The following MGAT4C variants were observed in gnomAD, a reference collection of about 807,000 sequenced individuals.
MGAT4C encodes the protein MGAT4 family member C.
MGAT4C carries 19 observed loss-of-function variants against 40.1 expected under a neutral mutation model. The ratio of observed to expected loss-of-function variants is 0.47; its 90% CI spans 0.33 to 0.70. The LOEUF (loss-of-function observed/expected upper bound fraction) is 0.70, where lower values mean the gene tolerates loss of function less well. Ranked by LOEUF, MGAT4C falls within the 30% of genes least tolerant of loss-of-function variation. The pLI is 0.02. For missense variants in MGAT4C, 491 were observed against 563.2 expected (o/e 0.87, Z 1.30); for synonymous variants, 181 against 187.1 (o/e 0.97, Z 0.27).
chr12:86,462,557 A>G (rs2136296693), intron 2 of MGAT4C, among the ~76,000 whole-genome samples: 1 of 152,302 alleles, frequency 6.6e-6, no homozygotes, highest in East Asian at 1.9e-4. Flanking sequence ...TGACTCACAC[A>G]ATCACAAGGT....
intron 1 of MGAT4C, among the ~76,000 whole-genome samples, chr12:86,159,226 A>G (rs1885319357): frequency 6.6e-6 from 1 of 152,030 alleles, no homozygotes; most frequent in Non-Finnish European, 1.5e-5. Flanking sequence ...TAGTTTCTAG[A>G]GAGTTTTTAT....
At chr12:86,023,574 A>G (rs1889972900) in intron 2 of MGAT4C, among the ~76,000 whole-genome samples, 2 of 148,444 alleles carry the variant, frequency 1.3e-5, no homozygotes, top group Non-Finnish European at 3.0e-5. Context: ...TAGAATCACG[A>G]AATATATTAT....
At chr12:86,103,969 C>A (rs1452597173) in intron 1 of MGAT4C, among the ~76,000 whole-genome samples, 1 of 151,982 alleles carries the variant, frequency 6.6e-6, no homozygotes, top group Non-Finnish European at 1.5e-5. Flanking sequence ...CTGGCTTTGA[C>A]AAATTATTGG....
chr12:86,508,932 T>G (rs1277249239), intron 2 of MGAT4C, among the ~76,000 whole-genome samples: 6 of 151,442 alleles, frequency 4.0e-5, no homozygotes, highest in Middle Eastern at 3.2e-3. Context: ...TAAATTTGTT[T>G]GAGTTCATTG....
intron 1 of MGAT4C, among the ~76,000 whole-genome samples, chr12:86,832,116 G>A (rs959944384): frequency 3.3e-5 from 5 of 151,612 alleles, no homozygotes; most frequent in African/African-American, 1.2e-4. Flanking sequence ...ATGCATCACT[G>A]AACTTAAAAA....
chr12:86,026,591 G>A (rs1890266207), intron 2 of MGAT4C, among the ~76,000 whole-genome samples: 1 of 151,860 alleles, frequency 6.6e-6, no homozygotes, highest in South Asian at 2.1e-4. Flanking sequence ...ATATCTTTGT[G>A]CCTAATTTTT....
intron 2 of MGAT4C, among the ~76,000 whole-genome samples, chr12:86,595,271 C>T (rs1338321901): frequency 2.6e-5 from 4 of 152,108 alleles, no homozygotes; most frequent in South Asian, 2.1e-4. Flanking sequence ...TGGCCAGGTT[C>T]GGTGGCTCAT....
At chr12:86,150,631 G>T (rs767886744) in intron 1 of MGAT4C, among the ~76,000 whole-genome samples, 1 of 152,162 alleles carries the variant, frequency 6.6e-6, no homozygotes, top group African/African-American at 2.4e-5. Flanking sequence ...GGTGCAGTAT[G>T]TGGTGGTTTA....
At position 85,966,962 on chromosome 12, in the gene MGAT4C, G is replaced by T. The variant is rs1025137196; in HGVS notation, c.*12327C>A. 6.6e-6 allele frequency: 1 copy of T among 151,886 alleles called. No individual in the cohort carries two copies. The highest frequency in any genetic ancestry group is 2.4e-5 in the African/African-American group (1 of 41,318). 9.4% of individuals were successfully genotyped at this position (151,886 alleles called of 1,614,324 possible). A position where few individuals can be genotyped will look rare whatever the true frequency, so the allele number is the denominator to read the frequency against. On this transcript the variant is annotated 3_prime_UTR_variant, in exon 5 of 5. Coordinates refer to ENST00000611864, the MANE Select transcript of MGAT4C (RefSeq NM_001351288.2). ...CTAATGTTAAATGACGAGTTAATGG[G>T]TGCAGCACACCAACATGGCACAGGT...
intron 2 of MGAT4C, among the ~76,000 whole-genome samples, chr12:86,504,327 G>T (rs1457580621): frequency 2.6e-5 from 4 of 152,084 alleles, no homozygotes; most frequent in Non-Finnish European, 5.9e-5. Flanking sequence ...TGTGTGTAAA[G>T]ACATGTGCTA....
chr12:86,454,256 C>G (rs1320718118), intron 2 of MGAT4C, among the ~76,000 whole-genome samples: 1 of 151,902 alleles, frequency 6.6e-6, no homozygotes, highest in Non-Finnish European at 1.5e-5. Flanking sequence ...AAGACAGGGT[C>G]TCACCCTGTT....
At chr12:86,025,587 A>G (rs1289865773) in intron 2 of MGAT4C, among the ~76,000 whole-genome samples, 1 of 151,790 alleles carries the variant, frequency 6.6e-6, no homozygotes, top group South Asian at 2.1e-4. Context: ...TAACATAAAG[A>G]TAGGGAAAAT....
At chr12:86,220,392 T>C (rs1286904185) in intron 1 of MGAT4C, among the ~76,000 whole-genome samples, 3 of 152,232 alleles carry the variant, frequency 2.0e-5, no homozygotes, top group Non-Finnish European at 4.4e-5. Context: ...ATGTTACATA[T>C]GGCATGTTAC....
At chr12:86,475,027 A>G (rs534720804) in intron 2 of MGAT4C, among the ~76,000 whole-genome samples, 1 of 152,272 alleles carries the variant, frequency 6.6e-6, no homozygotes, top group East Asian at 1.9e-4. Flanking sequence ...ATATATGTTA[A>G]TATGCATTAT....
intron 2 of MGAT4C, among the ~76,000 whole-genome samples, chr12:86,002,740 G>A (rs1330656615): frequency 6.7e-6 from 1 of 149,610 alleles, no homozygotes; most frequent in Non-Finnish European, 1.5e-5. Flanking sequence ...TAATATATAT[G>A]ATTATATATC....
At chr12:86,146,647 C>T (rs1358807357) in intron 1 of MGAT4C, among the ~76,000 whole-genome samples, 2 of 151,794 alleles carry the variant, frequency 1.3e-5, no homozygotes, top group Admixed American at 6.6e-5. Flanking sequence ...TGAGATTTTC[C>T]TATTTCTTGA....
At chr12:86,443,037 T>G (rs1957260689) in intron 2 of MGAT4C, among the ~76,000 whole-genome samples, 1 of 152,172 alleles carries the variant, frequency 6.6e-6, no homozygotes, top group East Asian at 1.9e-4. Context: ...GTTAATATAT[T>G]ATGGTATAGC....
chr12:85,999,046 T>C (rs1886975304), intron 2 of MGAT4C, among the ~76,000 whole-genome samples: 1 of 152,116 alleles, frequency 6.6e-6, no homozygotes, highest in Non-Finnish European at 1.5e-5. Context: ...CTCACAAACA[T>C]GGTGGAAGGC....
chr12:86,562,811 G>C (rs1959932609), intron 2 of MGAT4C, among the ~76,000 whole-genome samples: 1 of 152,156 alleles, frequency 6.6e-6, no homozygotes, highest in Non-Finnish European at 1.5e-5. Context: ...GATAATGGTA[G>C]AAAGAACATA....
Sources: allele counts gnomAD v4.1 joint callset (sites outside exome capture counted in the v4.1 genomes callset), GRCh38; gene constraint gnomAD v4.1.1; transcripts MANE v1.5; gene names NCBI Gene and HGNC (gene_info 2026-07-23, HGNC 2026-07-21).